Variants in KIF16B observed in about 807,000 individuals in gnomAD.
KIF16B encodes the protein kinesin family member 16B.
Under a neutral mutation model 156.3 loss-of-function variants are expected in KIF16B, and 98 were observed. The observed-to-expected ratio is 0.63, with a 90% CI of 0.53 to 0.74. The LOEUF (loss-of-function observed/expected upper bound fraction) is 0.74. Ranked by LOEUF, KIF16B falls within the 30% of genes least tolerant of loss-of-function variation. The pLI, the probability that KIF16B is intolerant of heterozygous loss-of-function variation, is 0.00. For synonymous variants in KIF16B, 564 were observed against 583.7 expected (o/e 0.97, Z 0.49); for missense variants, 1,421 against 1,606.5 (o/e 0.88, Z 1.97).
At chr20:16,472,172 T>G (rs1176779530) in intron 12 of KIF16B, among the ~76,000 whole-genome samples, 1 of 152,242 alleles carries the variant, frequency 6.6e-6, no homozygotes, top group Non-Finnish European at 1.5e-5. Context: ...ATTTGAGGTC[T>G]TATCTGCATA....
chr20:16,276,099 C>T (rs2063057351), intron 25 of KIF16B, among the ~76,000 whole-genome samples: 1 of 152,238 alleles, frequency 6.6e-6, no homozygotes, highest in African/African-American at 2.4e-5. Flanking sequence ...CTCCCACAGG[C>T]TGCATTAACA....
intron 12 of KIF16B, among the ~76,000 whole-genome samples, chr20:16,431,913 T>TACACACACACACACACACAC (rs74175693): frequency 2.8e-3 from 403 of 143,814 alleles, no homozygotes; most frequent in East Asian, 0.014. Flanking sequence ...TGTATACGTA[T>TACACACACACACACACACAC]ACACACACAC....
intron 1 of KIF16B, among the ~76,000 whole-genome samples, chr20:16,543,274 C>A (rs540130401): frequency 1.1e-4 from 16 of 152,304 alleles, no homozygotes; most frequent in Admixed American, 5.2e-4. Context: ...AAGGTGGTTT[C>A]ATCCCTTCTT....
At chr20:16,533,411 C>T (rs73901108) in intron 1 of KIF16B, among the ~76,000 whole-genome samples, 1 of 152,156 alleles carries the variant, frequency 6.6e-6, no homozygotes, top group Admixed American at 6.5e-5. Context: ...GTAAATGATT[C>T]TGATGAACGT....
In KIF16B at chr20:16,506,202, T is replaced by TA; in HGVS notation, c.700-13dup. ...GAATCAAATTTAGCCTGTGGTAAAA[T>TA]AAAAAAGTAAAATTGAAGAGGTGCA... is the stretch of plus-strand genomic sequence containing the variant. On this transcript the variant is annotated splice_polypyrimidine_tract_variant and intron_variant, in intron 7 of 25. Transcript: ENST00000354981. 1 of 1,612,942 alleles carries TA rather than the reference T, an allele frequency of 6.2e-7. No homozygotes were observed. Among genetic ancestry groups the TA allele is most frequent in the Non-Finnish European group, 8.5e-7 (1 of 1,179,018 alleles).
chr20:16,358,250 C>A (rs967091522), intron 22 of KIF16B, among the ~76,000 whole-genome samples: 2 of 152,102 alleles, frequency 1.3e-5, no homozygotes, highest in African/African-American at 4.8e-5. Context: ...CACACATACA[C>A]CTGTGAGGGA....
intron 24 of KIF16B, among the ~76,000 whole-genome samples, chr20:16,328,962 T>C (rs551210750): frequency 3.9e-5 from 6 of 152,154 alleles, no homozygotes; most frequent in African/African-American, 1.4e-4. Flanking sequence ...ATTCAGTCCA[T>C]AGCAGTGCTC....
At chr20:16,317,992 C>A (rs2063722887) in intron 24 of KIF16B, among the ~76,000 whole-genome samples, 1 of 152,128 alleles carries the variant, frequency 6.6e-6, no homozygotes, top group Non-Finnish European at 1.5e-5. Flanking sequence ...CCCCCATGAA[C>A]CAGAAAACAA....
At position 16,443,895 on chromosome 20, in the gene KIF16B, T is replaced by C. The variant is rs368259902; in HGVS notation, c.1303-13913A>G. Among the ~76,000 whole-genome samples, 8 of 152,234 alleles carry C rather than the reference T, an allele frequency of 5.3e-5. No individual in the cohort carries two copies. The East Asian group carries it at 7.7e-4, about 15-fold the overall frequency. ...GGTTATAGAACTTGTCAAGGAAATG[T>C]GAAGTTCAAGATACAAAATAAATTG... On this transcript the variant is annotated intron_variant, in intron 12 of 25. Coordinates refer to ENST00000354981, the MANE Select transcript of KIF16B (RefSeq NM_024704.5).
In KIF16B at chr20:16,277,939, C is replaced by G. The variant is rs1216581989; in HGVS notation, c.3796-4528G>C. On this transcript the variant is annotated intron_variant, in intron 25 of 25. Coordinates refer to ENST00000354981, the MANE Select transcript of KIF16B (RefSeq NM_024704.5). ...GTTCACCTGGTGGACAGTGACACAC[C>G]TGAGTCTTTGCTTTGTCAAATGTCC... Among the ~76,000 whole-genome samples the G allele has an allele frequency of 2.6e-5, 4 of 152,340 alleles. No homozygotes were observed. The East Asian group carries it at 7.7e-4, about 29-fold the overall frequency.
rs181565730 is a variant in KIF16B at position 16,550,493 on chromosome 20, C to G, written c.48-22053G>C. Among the ~76,000 whole-genome samples the G allele has an allele frequency of 2.8e-3, 428 of 150,978 alleles. 4 individuals carry two copies. Among genetic ancestry groups the G allele is most frequent in the Admixed American group, 0.024 (362 of 15,134 alleles). ...TAGAAATATCATTTTCGTTTTTTTT[C>G]CCCCTAGAGAGCTTGTTAAAACACA... On this transcript the variant is annotated intron_variant, in intron 1 of 25. Coordinates refer to ENST00000354981, the MANE Select transcript of KIF16B (RefSeq NM_024704.5).
intron 19 of KIF16B, among the ~76,000 whole-genome samples, chr20:16,377,474 CTTGG>C (rs2064982888): frequency 6.6e-6 from 1 of 151,836 alleles, no homozygotes; most frequent in Admixed American, 6.6e-5. Flanking sequence ...GTCCCAGCCA[CTTGG>C]GTGGCTGGGG....
intron 23 of KIF16B, among the ~76,000 whole-genome samples, chr20:16,341,659 G>A (rs1283811115): frequency 6.6e-6 from 1 of 152,176 alleles, no homozygotes; most frequent in East Asian, 1.9e-4. Context: ...AGCTGCACTG[G>A]GGCACTTGTT....
chr20:16,346,303 G>A (rs1187070276), intron 23 of KIF16B, among the ~76,000 whole-genome samples: 1 of 152,230 alleles, frequency 6.6e-6, no homozygotes, highest in Non-Finnish European at 1.5e-5. Context: ...ACAAATGGGA[G>A]GTGTATGGAG....
At chr20:16,523,739 G>A (rs2069434311) in intron 3 of KIF16B, among the ~76,000 whole-genome samples, 1 of 152,088 alleles carries the variant, frequency 6.6e-6, no homozygotes, top group Non-Finnish European at 1.5e-5. Context: ...ACAATCCTAA[G>A]CAAAAAGAAC....
At chr20:16,517,708 C>A (rs143286034) in intron 3 of KIF16B, among the ~76,000 whole-genome samples, 174 of 152,264 alleles carry the variant, frequency 1.1e-3, no homozygotes, top group African/African-American at 3.9e-3. Flanking sequence ...GGACTCCAGA[C>A]CACCAGTTGG....
intron 25 of KIF16B, among the ~76,000 whole-genome samples, chr20:16,278,785 T>C (rs890897511): frequency 2.0e-5 from 3 of 152,210 alleles, no homozygotes; most frequent in Admixed American, 1.3e-4. Context: ...CTCAGGCTCC[T>C]GCCTGCTACC....
intron 1 of KIF16B, among the ~76,000 whole-genome samples, chr20:16,565,537 C>T (rs895558141): frequency 6.6e-6 from 1 of 152,122 alleles, no homozygotes; most frequent in African/African-American, 2.4e-5. Flanking sequence ...ATCAACTTGC[C>T]CAGTCACTCG....
In KIF16B at chr20:16,504,452, C is replaced by T; in HGVS notation, c.1096G>A (p.Glu366Lys). Residue 366 changes from glutamate to lysine, a missense_variant, in exon 10 of 26, where the codon GAG becomes AAG. Physicochemically the swap from Glu to Lys is moderately conservative, Grantham distance 56. Coordinates refer to ENST00000354981, the MANE Select transcript of KIF16B (RefSeq NM_024704.5). ...KNIINKPTINEDANVKLIREL... is the reference protein window; with the variant it reads ...KNIINKPTINKDANVKLIREL... ...CGGATAAGTTTGACGTTGGCATCCT[C>T]ATTAATGGTAGGCTTGTTGATGATG... 6.2e-7 allele frequency: 1 copy of T among 1,614,120 alleles called. No individual in the cohort carries two copies. Among genetic ancestry groups the T allele is most frequent in the Non-Finnish European group, 8.5e-7 (1 of 1,179,988 alleles).
Sources: gnomAD v4.1 joint callset for allele counts (sites outside exome capture counted in the v4.1 genomes callset) on GRCh38, gnomAD v4.1.1 for gene constraint, MANE v1.5 for transcripts, NCBI Gene and HGNC (gene_info 2026-07-23, HGNC 2026-07-21) for gene names.